KMO: variants seen among roughly 807,000 people sequenced by gnomAD.
The protein encoded by KMO is kynurenine 3-monooxygenase.
A neutral mutation model predicts 57.8 loss-of-function variants in KMO; 24 were observed. The observed-to-expected ratio is 0.42, with a 90% confidence interval of 0.30 to 0.58. The LOEUF is 0.58. Among genes scored for constraint, KMO ranks in the 20% least tolerant of loss-of-function variants. The pLI is 0.22. For synonymous variants in KMO, 210 were observed against 193.6 expected (o/e 1.08, Z -0.70); for missense variants, 483 against 588.2 (o/e 0.82, Z 1.85).
intron 8 of KMO, 39 bp from the exon 9 acceptor site, chr1:241,566,452 C>T (rs746568511): frequency 1.3e-6 from 2 of 1,589,420 alleles, no homozygotes; most frequent in Non-Finnish European, 1.7e-6. Context: ...CGTCACTTGG[C>T]CCCCATCCCC....
rs201866946 is a variant in KMO at position 241,565,065 on chromosome 1, T to C, written c.687+7T>C. The C allele has an allele frequency of 3.6e-5, 54 of 1,516,620 alleles. No individual in the cohort carries two copies. Among genetic ancestry groups the C allele is most frequent in the Non-Finnish European group, 4.6e-5 (50 of 1,094,232 alleles). 93.9% of individuals were successfully genotyped at this position (1,516,620 alleles called of 1,614,324 possible). ...GATTGCACTTCCTAACATGGTAGTA[T>C]AGAATTTTTTATCAACTGTAATTTT... On this transcript the variant is annotated splice_region_variant and intron_variant, in intron 8 of 14. Coordinates refer to ENST00000366559, the MANE Select transcript of KMO (RefSeq NM_003679.5).
intron 4 of KMO, among the ~76,000 whole-genome samples, chr1:241,554,423 G>A (rs1266693412): frequency 6.6e-6 from 1 of 151,600 alleles, no homozygotes; most frequent in African/African-American, 2.4e-5. Context: ...ACAGGCACGC[G>A]CCACCAGACC....
chr1:241,594,700 A>G lies in KMO; in HGVS notation c.*2547A>G. 2 of 1,608,714 alleles carry G rather than the reference A, an allele frequency of 1.2e-6. No homozygotes were observed. Among genetic ancestry groups the G allele is most frequent in the East Asian group, 2.2e-5 (1 of 44,794 alleles). On this transcript the variant is annotated 3_prime_UTR_variant, in exon 15 of 15. Transcript: ENST00000366559. ...AAAAGGGATCTTCGAAACTGGGCAG[A>G]GAAAAAATAAAGTGGAATATTAAGT...
chr1:241,572,302 T>A (rs1338034481), intron 10 of KMO, among the ~76,000 whole-genome samples: 1 of 152,160 alleles, frequency 6.6e-6, no homozygotes, highest in Admixed American at 6.5e-5. Context: ...TATGATTCAA[T>A]CTTGGTAAGT....
chr1:241,588,469 T>C (rs1179213859), intron 11 of KMO, among the ~76,000 whole-genome samples: 1 of 151,938 alleles, frequency 6.6e-6, no homozygotes, highest in East Asian at 1.9e-4. Flanking sequence ...ATAGAGGGTT[T>C]ATGCATAAGA....
At chr1:241,588,329 CTTTTTTTTTTTTTTTTT>C (rs57587351) in intron 11 of KMO, among the ~76,000 whole-genome samples, 1 of 98,390 alleles carries the variant, frequency 1.0e-5, no homozygotes, top group Non-Finnish European at 1.9e-5. Flanking sequence ...TCTTTTTTTT[CTTTTTTTTTTTTTTTTT>C]TTTTTTTGGT....
At chr1:241,562,045 A>G in intron 6 of KMO, 122 bp from the exon 7 acceptor site, 1 of 744,318 alleles carries the variant, frequency 1.3e-6, no homozygotes, top group Non-Finnish European at 2.2e-6. Flanking sequence ...GCTCCAAGTC[A>G]AACATGTGAA....
At chr1:241,577,554 C>G (rs1306037639) in intron 10 of KMO, among the ~76,000 whole-genome samples, 1 of 152,098 alleles carries the variant, frequency 6.6e-6, no homozygotes, top group Non-Finnish European at 1.5e-5. Flanking sequence ...CTGGCTTTCT[C>G]AGATGCTGGT....
chr1:241,536,866 T>C (rs760515244), intron 1 of KMO, among the ~76,000 whole-genome samples: 10 of 152,168 alleles, frequency 6.6e-5, no homozygotes, highest in Admixed American at 2.0e-4. Context: ...TGGCCTCTGC[T>C]GATGAAATTG....
intron 3 of KMO, 165 bp downstream of exon 3, chr1:241,549,939 A>T (rs75911574): frequency 0.028 from 16,079 of 569,138 alleles, 279 homozygotes; most frequent in South Asian, 0.038. Context: ...AAGAGGGTGA[A>T]CATTGGACAC....
intron 5 of KMO, among the ~76,000 whole-genome samples, chr1:241,558,839 G>A (rs1268153702): frequency 6.6e-6 from 1 of 151,730 alleles, no homozygotes; most frequent in Non-Finnish European, 1.5e-5. Flanking sequence ...TAGGCCAGGC[G>A]CAGTGGCTCA....
intron 1 of KMO, among the ~76,000 whole-genome samples, chr1:241,537,508 C>T (rs1004388950): frequency 3.9e-5 from 6 of 152,140 alleles, no homozygotes; most frequent in South Asian, 2.1e-4. Flanking sequence ...GCTCTATTTG[C>T]TCTACTCTTG....
intron 10 of KMO, among the ~76,000 whole-genome samples, chr1:241,573,664 T>A (rs1662393130): frequency 6.6e-6 from 1 of 152,170 alleles, no homozygotes. Flanking sequence ...ACCATCCTAT[T>A]TTAGTAACTA....
At chr1:241,570,141 T>C (rs1348246421) in intron 10 of KMO, among the ~76,000 whole-genome samples, 1 of 152,096 alleles carries the variant, frequency 6.6e-6, no homozygotes, top group Admixed American at 6.5e-5. Context: ...CCTTGTCAGA[T>C]GGGTAGTTTG....
At chr1:241,535,351 A>G (rs1318542140) in intron 1 of KMO, among the ~76,000 whole-genome samples, 2 of 151,952 alleles carry the variant, frequency 1.3e-5, no homozygotes, top group Admixed American at 1.3e-4. Context: ...CCTGGCCCCT[A>G]GAAAAAAAAA....
chr1:241,564,817 A>G (rs1662014094), intron 7 of KMO, among the ~76,000 whole-genome samples, 170 bp from the exon 8 acceptor site: 1 of 152,220 alleles, frequency 6.6e-6, no homozygotes, highest in Non-Finnish European at 1.5e-5. Flanking sequence ...ATAAAGACAG[A>G]ACACAAAGTG....
intron 14 of KMO, among the ~76,000 whole-genome samples, chr1:241,591,134 G>A (rs1309583119): frequency 2.0e-5 from 3 of 152,100 alleles, no homozygotes; most frequent in African/African-American, 7.2e-5. Flanking sequence ...ATAAAACAGG[G>A]CCCCCACCCT....
At chr1:241,580,924 G>C (rs1383078233) in intron 10 of KMO, among the ~76,000 whole-genome samples, 1 of 150,942 alleles carries the variant, frequency 6.6e-6, no homozygotes, top group Admixed American at 6.6e-5. Flanking sequence ...GTGAAACTGG[G>C]GTGTTAAGTA....
At chr1:241,539,425 A>G (rs1242536443) in intron 1 of KMO, among the ~76,000 whole-genome samples, 2 of 151,690 alleles carry the variant, frequency 1.3e-5, no homozygotes, top group Non-Finnish European at 2.9e-5. Context: ...TCACCCTTGA[A>G]GTTGGCCTAA....
Sources: gnomAD v4.1 joint callset for allele counts (sites outside exome capture counted in the v4.1 genomes callset) on GRCh38, gnomAD v4.1.1 for gene constraint, MANE v1.5 for transcripts, NCBI Gene and HGNC (gene_info 2026-07-23, HGNC 2026-07-21) for gene names.